Variants in PBRM1 observed in about 807,000 individuals in gnomAD.
PBRM1 encodes protein polybromo-1.
In PBRM1, 27 loss-of-function variants were observed where a neutral mutation model predicts 194.5. The ratio of observed to expected loss-of-function variants is 0.14; its 90% CI spans 0.10 to 0.19. The LOEUF (loss-of-function observed/expected upper bound fraction) is 0.19, where lower values mean the gene tolerates loss of function less well. PBRM1 is among the 10% of genes least tolerant of loss of function. The pLI, the probability that PBRM1 is intolerant of heterozygous loss-of-function variation, is 1.00. For missense variants in PBRM1, 1,466 were observed against 2,077.2 expected, an observed-to-expected ratio of 0.71 and a Z score of 5.72; for synonymous variants, 655 against 693.2, an observed-to-expected ratio of 0.94 and a Z score of 0.87.
intron 17 of PBRM1, among the ~76,000 whole-genome samples, chr3:52,593,863 A>C (rs1415263136): frequency 6.6e-6 from 1 of 152,128 alleles, no homozygotes; most frequent in Non-Finnish European, 1.5e-5. Context: ...TTGATATTAG[A>C]GTATGTCCCA....
At chr3:52,669,556 A>G (rs1227794481) in intron 2 of PBRM1, among the ~76,000 whole-genome samples, 1 of 152,158 alleles carries the variant, frequency 6.6e-6, no homozygotes, top group African/African-American at 2.4e-5. Flanking sequence ...CCACAGGGGT[A>G]GGTATTCAGC....
At chr3:52,579,706 GTATC>G (rs1211049869) in intron 20 of PBRM1, among the ~76,000 whole-genome samples, 1 of 152,164 alleles carries the variant, frequency 6.6e-6, no homozygotes, top group African/African-American at 2.4e-5. Flanking sequence ...GACTTATCAA[GTATC>G]TATTTGAAAT....
chr3:52,561,947 C>T, exon 25 of PBRM1: 2 of 1,613,840 alleles, frequency 1.2e-6, no homozygotes, highest in East Asian at 2.2e-5. Flanking sequence ...TTTGCACTGC[C>T]TTTGGCAGAC....
chr3:52,564,557 C>G (rs1486689310), intron 22 of PBRM1, among the ~76,000 whole-genome samples: 1 of 151,368 alleles, frequency 6.6e-6, no homozygotes, highest in Non-Finnish European at 1.5e-5. Flanking sequence ...AGGTGGGAAT[C>G]ATCTGAGTCT....
intron 2 of PBRM1, among the ~76,000 whole-genome samples, chr3:52,670,758 G>T (rs775684639): frequency 2.0e-4 from 30 of 152,212 alleles, no homozygotes; most frequent in Non-Finnish European, 3.7e-4. Flanking sequence ...TACTTGGGAG[G>T]CTGAGGGAGG....
At chr3:52,583,665 A>G (rs961294815) in intron 20 of PBRM1, among the ~76,000 whole-genome samples, 5 of 152,112 alleles carry the variant, frequency 3.3e-5, no homozygotes, top group Admixed American at 3.3e-4. Context: ...GTAACCCTAG[A>G]CTGTTTTATT....
At chr3:52,582,411 C>CT (rs374555187) in intron 20 of PBRM1, among the ~76,000 whole-genome samples, 42,017 of 128,750 alleles carry the variant, frequency 0.33, 7,929 homozygotes, top group Admixed American at 0.43. Context: ...ATTGATAATT[C>CT]TTTTTTTTTT....
intron 12 of PBRM1, among the ~76,000 whole-genome samples, chr3:52,627,763 T>G (rs759047889): frequency 4.6e-5 from 7 of 152,206 alleles, no homozygotes; most frequent in Non-Finnish European, 8.8e-5. Flanking sequence ...TAAAGTTTAA[T>G]GCAAGAAGTG....
In PBRM1 at chr3:52,677,409, T is replaced by A. The variant is rs1278218749; in HGVS notation, c.236+1091A>T. Reference sequence around the variant, plus strand: ...CAGGCGCCCCACCACCATGCTCGGCTTTTTTTTTTTTTTTTTTTTTGAGAT... The same window carrying A: ...CAGGCGCCCCACCACCATGCTCGGCATTTTTTTTTTTTTTTTTTTTGAGAT... On this transcript the variant is annotated intron_variant, in intron 2 of 29. Coordinates refer to ENST00000296302, the Ensembl canonical transcript of PBRM1. 1.1e-4 allele frequency among the ~76,000 whole-genome samples: 4 copies of A among 34,818 alleles called. No homozygotes were observed. In the South Asian group the frequency reaches 1.9e-3, roughly 17 times the overall value. The allele number at this position is 34,818 out of a possible 152,430, so 22.8% of individuals were successfully genotyped here.
intron 13 of PBRM1, among the ~76,000 whole-genome samples, chr3:52,619,882 A>G (rs1204183482): frequency 6.6e-6 from 1 of 152,246 alleles, no homozygotes; most frequent in Non-Finnish European, 1.5e-5. Flanking sequence ...GGAAAAAAAC[A>G]GACAAGAGCC....
At chr3:52,663,426 TGAGAG>T (rs1437414011) in intron 3 of PBRM1, among the ~76,000 whole-genome samples, 1 of 152,208 alleles carries the variant, frequency 6.6e-6, no homozygotes, top group Non-Finnish European at 1.5e-5. Flanking sequence ...ACCATGGCAC[TGAGAG>T]GAGAGGAGAG....
rs77166099 is a variant in PBRM1 at position 52,556,878 on chromosome 3, G to A, written c.4453+1371C>T. 9.0e-4 allele frequency among the ~76,000 whole-genome samples: 136 copies of A among 151,818 alleles called. 3 individuals carry two copies. In the East Asian group the frequency reaches 0.025, roughly 28 times the overall value. ...AGAGGGACCACCTTCCTCATCCATAGAGTTCTATAATGTTCTTCCCCAACA... is the reference window on the plus strand; with the variant it reads ...AGAGGGACCACCTTCCTCATCCATAAAGTTCTATAATGTTCTTCCCCAACA... On this transcript the variant is annotated intron_variant, in intron 26 of 29. Coordinates refer to ENST00000296302, the Ensembl canonical transcript of PBRM1.
intron 10 of PBRM1, among the ~76,000 whole-genome samples, chr3:52,639,051 C>T (rs1159978724): frequency 2.1e-5 from 3 of 145,118 alleles, no homozygotes; most frequent in African/African-American, 7.7e-5. Context: ...ATGGCACAAT[C>T]TTGGCTCACA....
chr3:52,613,821 C>T (rs998781878), intron 15 of PBRM1, among the ~76,000 whole-genome samples: 1 of 151,994 alleles, frequency 6.6e-6, no homozygotes, highest in South Asian at 2.1e-4. Context: ...GAGACCCTGC[C>T]TCTATTAATT....
intron 3 of PBRM1, 94 bp downstream of exon 4, chr3:52,668,404 T>A: frequency 1.2e-6 from 1 of 822,324 alleles, no homozygotes; most frequent in Non-Finnish European, 1.9e-6. Context: ...AAAAAGAAAC[T>A]ACTACTCACC....
At chr3:52,631,827 T>C (rs756454408) in intron 11 of PBRM1, among the ~76,000 whole-genome samples, 3 of 152,234 alleles carry the variant, frequency 2.0e-5, no homozygotes, top group Admixed American at 6.5e-5. Context: ...GCAATAAATA[T>C]CTTTGAAAAT....
intron 13 of PBRM1, 62 bp from the exon 15 acceptor site, chr3:52,625,003 C>A: frequency 9.2e-7 from 1 of 1,086,946 alleles, no homozygotes; most frequent in Non-Finnish European, 1.4e-6. Context: ...ATTGGAGGGT[C>A]ATGTACAAAC....
In PBRM1 at chr3:52,609,551, G is replaced by A. The variant is rs2094510343; in HGVS notation, c.2329C>T (p.Leu777=). 1 of 1,613,794 alleles carries A rather than the reference G, an allele frequency of 6.2e-7. No individual in the cohort carries two copies. Among genetic ancestry groups the A allele is most frequent in the Non-Finnish European group, 8.5e-7 (1 of 1,179,806 alleles). ...AGATTGTGGATAAGCTCTTGAATCAGCAAAGTCACATTTGGGACATGAGAG... is the reference window on the plus strand; with the variant it reads ...AGATTGTGGATAAGCTCTTGAATCAACAAAGTCACATTTGGGACATGAGAG... Residue 777 remains leucine, a synonymous_variant, in exon 16 of 30, where the codon CTG becomes TTG. Transcript: ENST00000296302. This position sits in a 1 kb window ranked among gnomAD's most constrained non-coding sequence, Gnocchi z 4.1.
chr3:52,615,278 A>G (rs2094896690), intron 15 of PBRM1, 73 bp downstream of exon 17: 1 of 796,658 alleles, frequency 1.3e-6, no homozygotes, highest in African/African-American at 1.7e-5. Flanking sequence ...ATTTAATTAA[A>G]TATTATTTCA....
Sources: gnomAD v4.1 joint callset for allele counts (sites outside exome capture counted in the v4.1 genomes callset) on GRCh38, gnomAD v4.1.1 for gene constraint, Gnocchi (gnomAD v3.1) non-coding constraint, MANE v1.5 for transcripts, NCBI Gene and HGNC (gene_info 2026-07-23, HGNC 2026-07-21) for gene names.